Variants in PPP1R9A observed in about 807,000 individuals in gnomAD.
PPP1R9A encodes the protein protein phosphatase 1 regulatory subunit 9A.
In PPP1R9A, 59 loss-of-function variants were observed where a neutral mutation model predicts 141.9. That is an observed-to-expected ratio of 0.42 (90% CI 0.34 to 0.52). The LOEUF (loss-of-function observed/expected upper bound fraction) is 0.52, where lower values mean the gene tolerates loss of function less well. Among genes scored for constraint, PPP1R9A ranks in the 20% least tolerant of loss-of-function variants. PPP1R9A has a pLI of 0.10. For missense variants in PPP1R9A, 1,444 were observed against 1,611.9 expected, an observed-to-expected ratio of 0.90 and a Z score of 1.78; for synonymous variants, 500 against 569.7, an observed-to-expected ratio of 0.88 and a Z score of 1.74.
intron 8 of PPP1R9A, among the ~76,000 whole-genome samples, chr7:95,227,513 T>C (rs1006275189): frequency 6.6e-6 from 1 of 152,234 alleles, no homozygotes; most frequent in Non-Finnish European, 1.5e-5. Context: ...CAAATTATGA[T>C]ACATTGTCCA....
At chr7:95,136,940 A>G (rs1825763525) in intron 4 of PPP1R9A, among the ~76,000 whole-genome samples, 1 of 152,170 alleles carries the variant, frequency 6.6e-6, no homozygotes, top group Non-Finnish European at 1.5e-5. Context: ...GAAGAGGTTC[A>G]AAGGTTGGAA....
At chr7:95,202,804 G>A (rs549489089) in intron 6 of PPP1R9A, among the ~76,000 whole-genome samples, 30 of 152,026 alleles carry the variant, frequency 2.0e-4, no homozygotes, top group Middle Eastern at 3.4e-3. Flanking sequence ...GCATTATGCC[G>A]TTTGAAATGC....
chr7:95,042,443 T>C (rs1215847696), intron 2 of PPP1R9A, among the ~76,000 whole-genome samples: 1 of 152,220 alleles, frequency 6.6e-6, no homozygotes, highest in African/African-American at 2.4e-5. Flanking sequence ...TGCTATCTTA[T>C]GACCTTGTTT....
intron 2 of PPP1R9A, among the ~76,000 whole-genome samples, chr7:94,947,152 G>A (rs982678223): frequency 1.3e-5 from 2 of 152,100 alleles, no homozygotes; most frequent in African/African-American, 4.8e-5. Context: ...GCAGGCCATG[G>A]AGCCAGGAAC....
intron 2 of PPP1R9A, among the ~76,000 whole-genome samples, chr7:95,025,032 A>G (rs774682012): frequency 8.6e-5 from 13 of 151,778 alleles, no homozygotes; most frequent in Non-Finnish European, 1.6e-4. Context: ...TCCTTTGCGT[A>G]TGAAGCTTAG....
chr7:95,105,197 T>G (rs1819338506), intron 2 of PPP1R9A, among the ~76,000 whole-genome samples: 1 of 152,180 alleles, frequency 6.6e-6, no homozygotes, highest in African/African-American at 2.4e-5. Context: ...GGAAATAAGT[T>G]TTTTTCTTAT....
intron 18 of PPP1R9A, among the ~76,000 whole-genome samples, chr7:95,287,633 C>T (rs766684328): frequency 6.6e-6 from 1 of 152,170 alleles, no homozygotes; most frequent in Non-Finnish European, 1.5e-5. Context: ...CTACCACTTA[C>T]TAACTGTGTG....
chr7:95,167,223 T>A (rs756687845), intron 5 of PPP1R9A, among the ~76,000 whole-genome samples: 7 of 152,064 alleles, frequency 4.6e-5, no homozygotes, highest in Non-Finnish European at 7.4e-5. Context: ...CTCCCATTTT[T>A]AAAACCGTCT....
rs534152394 is a variant in PPP1R9A at position 94,968,003 on chromosome 7, T to C, written c.1395+56495T>C. On this transcript the variant is annotated intron_variant, in intron 2 of 19. Transcript: ENST00000433360. The stretch of plus-strand genomic sequence containing the variant: ...TCTTGTTTATCTGTCAAATACTGAC[T>C]GTGAAGTGTTCAAGTCTCCCACTAT... 2.0e-5 allele frequency among the ~76,000 whole-genome samples: 3 copies of C among 152,306 alleles called. No individual in the cohort carries two copies. In the South Asian group the frequency reaches 6.2e-4, roughly 32 times the overall value.
chr7:95,193,081 C>A (rs2152837684), intron 5 of PPP1R9A, among the ~76,000 whole-genome samples: 1 of 152,210 alleles, frequency 6.6e-6, no homozygotes, highest in Admixed American at 6.5e-5. Context: ...ATATACTGAT[C>A]TCCACATGAG....
At chr7:95,109,809 CT>C (rs1820224667) in intron 2 of PPP1R9A, among the ~76,000 whole-genome samples, 1 of 150,708 alleles carries the variant, frequency 6.6e-6, no homozygotes, top group Non-Finnish European at 1.5e-5. Flanking sequence ...TGCACTCCAG[CT>C]TGGAGTGCAG....
At chr7:95,214,579 G>A (rs1428766877) in intron 7 of PPP1R9A, among the ~76,000 whole-genome samples, 3 of 152,038 alleles carry the variant, frequency 2.0e-5, no homozygotes, top group Non-Finnish European at 4.4e-5. Context: ...TCTGGTTGTT[G>A]GAAATCTGTC....
At chr7:95,092,532 T>TTGAA (rs1434971448) in intron 2 of PPP1R9A, among the ~76,000 whole-genome samples, 2 of 152,076 alleles carry the variant, frequency 1.3e-5, no homozygotes, top group Admixed American at 6.5e-5. Context: ...GAACAGCTGT[T>TTGAA]TGAATGAATG....
chr7:95,039,792 A>G (rs955532379), intron 2 of PPP1R9A, among the ~76,000 whole-genome samples: 11 of 152,158 alleles, frequency 7.2e-5, no homozygotes, highest in African/African-American at 2.7e-4. Context: ...AAGGTGTGAC[A>G]TACCCATAAT....
intron 2 of PPP1R9A, among the ~76,000 whole-genome samples, chr7:94,983,095 C>T (rs1358355387): frequency 6.6e-6 from 1 of 152,090 alleles, no homozygotes; most frequent in Admixed American, 6.6e-5. Flanking sequence ...TAATAAATTC[C>T]TCATTGCTTG....
intron 7 of PPP1R9A, among the ~76,000 whole-genome samples, chr7:95,213,737 CCAT>C (rs1403748128): frequency 2.6e-5 from 4 of 152,064 alleles, no homozygotes; most frequent in Admixed American, 6.6e-5. Context: ...ACTTTGAAAA[CCAT>C]CAAGTTTCTG....
intron 2 of PPP1R9A, among the ~76,000 whole-genome samples, chr7:94,976,582 C>T (rs1799477058): frequency 6.6e-6 from 1 of 152,034 alleles, no homozygotes; most frequent in South Asian, 2.1e-4. Flanking sequence ...CCTCGTGATC[C>T]ACCTATCTCA....
rs1248817908 is a variant in PPP1R9A at position 95,292,751 on chromosome 7, T to C, written c.*2448T>C. The C allele has an allele frequency of 1.3e-5, 2 of 152,186 alleles. No homozygotes were observed. The highest frequency in any genetic ancestry group is 6.5e-5 in the Admixed American group (1 of 15,268). 9.4% of individuals were successfully genotyped at this position (152,186 alleles called of 1,614,324 possible). A position where few individuals can be genotyped will look rare whatever the true frequency, so the allele number is the denominator to read the frequency against. The stretch of plus-strand genomic sequence containing the variant: ...ACATTACCACTTAAAACGGATGAAA[T>C]TGTAAAAGTCATTTGGTTTGATTGC... On this transcript the variant is annotated 3_prime_UTR_variant, in exon 20 of 20. Transcript: ENST00000433360.
At position 95,156,465 on chromosome 7, in the gene PPP1R9A, C is replaced by T. The variant is rs545765920; in HGVS notation, c.1650-5402C>T. 11 of 152,414 alleles carry T rather than the reference C, an allele frequency of 7.2e-5. No individual in the cohort carries two copies. The East Asian group carries it at 2.1e-3, about 29-fold the overall frequency. The allele number at this position is 152,414 out of a possible 1,614,324, so 9.4% of individuals were successfully genotyped here. ...GGCATGTTTCAGTCCTGTGTTATAG[C>T]TCTTTTAGCTCTGCCATTTGGTAGG... On this transcript the variant is annotated intron_variant, in intron 4 of 19. Coordinates refer to ENST00000433360, the MANE Select transcript of PPP1R9A (RefSeq NM_001166160.2).
Sources: allele counts gnomAD v4.1 joint callset (sites outside exome capture counted in the v4.1 genomes callset), GRCh38; gene constraint gnomAD v4.1.1; transcripts MANE v1.5; gene names NCBI Gene and HGNC (gene_info 2026-07-23, HGNC 2026-07-21).